Variants in LRMDA observed in about 807,000 individuals in gnomAD.
The protein encoded by LRMDA is leucine-rich melanocyte differentiation-associated protein.
In LRMDA, 18 loss-of-function variants were observed where a neutral mutation model predicts 29.8. The ratio of observed to expected loss-of-function variants is 0.60; its 90% confidence interval spans 0.42 to 0.90. The LOEUF (loss-of-function observed/expected upper bound fraction) is 0.90. Ranked by LOEUF, LRMDA falls within the 40% of genes least tolerant of loss-of-function variation. LRMDA has a pLI of 0.00. For missense variants in LRMDA, 273 were observed against 273.9 expected (o/e 1.00, Z 0.02); for synonymous variants, 125 against 109.4 (o/e 1.14, Z -0.89).
chr10:75,814,302 A>G (rs1442929592), intron 2 of LRMDA, among the ~76,000 whole-genome samples: 1 of 152,194 alleles, frequency 6.6e-6, no homozygotes, highest in African/African-American at 2.4e-5. Flanking sequence ...CATTTTTGTC[A>G]TTTTGGAGGA....
chr10:76,259,814 T>A (rs1308112473), intron 5 of LRMDA, among the ~76,000 whole-genome samples: 1 of 152,136 alleles, frequency 6.6e-6, no homozygotes, highest in African/African-American at 2.4e-5. Flanking sequence ...ATTGATCCCT[T>A]TGTTATCATA....
intron 2 of LRMDA, among the ~76,000 whole-genome samples, chr10:75,772,214 T>A (rs571469629): frequency 1.3e-5 from 2 of 152,372 alleles, no homozygotes; most frequent in Non-Finnish European, 2.9e-5. Flanking sequence ...TTTGCTTTTA[T>A]TGTGCAATCA....
intron 5 of LRMDA, among the ~76,000 whole-genome samples, chr10:76,077,554 A>G (rs1438983720): frequency 6.6e-6 from 1 of 152,130 alleles, no homozygotes; most frequent in African/African-American, 2.4e-5. Flanking sequence ...TGGTCATGCT[A>G]GAAGGAAGGA....
chr10:76,431,451 A>G (rs981609081), intron 6 of LRMDA, among the ~76,000 whole-genome samples: 4 of 152,182 alleles, frequency 2.6e-5, no homozygotes, highest in African/African-American at 4.8e-5. Context: ...CATAAGTTCA[A>G]ATCACTTCTC....
intron 6 of LRMDA, among the ~76,000 whole-genome samples, chr10:76,345,060 C>CTT (rs60233969): frequency 0.028 from 2,193 of 77,634 alleles, 40 homozygotes; most frequent in African/African-American, 0.048. Flanking sequence ...AACACAAAAC[C>CTT]TTTTTTTTTT....
chr10:76,408,018 A>T (rs1841920417), intron 6 of LRMDA, among the ~76,000 whole-genome samples: 1 of 152,192 alleles, frequency 6.6e-6, no homozygotes. Context: ...AATCATAGCC[A>T]AGAACGCAAG....
intron 5 of LRMDA, among the ~76,000 whole-genome samples, chr10:76,288,662 T>C (rs926426211): frequency 2.6e-5 from 4 of 152,316 alleles, no homozygotes; most frequent in African/African-American, 9.6e-5. Flanking sequence ...ATAAATTTTA[T>C]TTAACAGTAG....
intron 2 of LRMDA, among the ~76,000 whole-genome samples, chr10:75,607,496 G>A (rs550012586): frequency 2.0e-5 from 3 of 152,250 alleles, no homozygotes; most frequent in East Asian, 1.9e-4. Context: ...ATTGATACAG[G>A]TGATAATTTT....
intron 6 of LRMDA, among the ~76,000 whole-genome samples, chr10:76,519,325 G>C (rs958969727): frequency 2.0e-5 from 3 of 152,114 alleles, no homozygotes; most frequent in African/African-American, 7.2e-5. Context: ...ATCTGTCAAG[G>C]AACAAGGAGT....
chr10:76,480,420 T>A (rs1292019711), intron 6 of LRMDA, among the ~76,000 whole-genome samples: 1 of 151,912 alleles, frequency 6.6e-6, no homozygotes, highest in Non-Finnish European at 1.5e-5. Flanking sequence ...ATTTCTGAAG[T>A]CATAGAATAG....
At chr10:76,152,756 A>G (rs1335060620) in intron 5 of LRMDA, among the ~76,000 whole-genome samples, 1 of 151,620 alleles carries the variant, frequency 6.6e-6, no homozygotes, top group Non-Finnish European at 1.5e-5. Flanking sequence ...CATTTGTACT[A>G]CTCTAAAGAC....
chr10:75,802,950 G>C (rs993806259), intron 2 of LRMDA, among the ~76,000 whole-genome samples: 3 of 104,024 alleles, frequency 2.9e-5, no homozygotes, highest in African/African-American at 9.7e-5. Flanking sequence ...GTGTGTGTGT[G>C]TGTGTATATA....
chr10:76,112,978 C>T (rs1281201334), intron 5 of LRMDA, among the ~76,000 whole-genome samples: 1 of 152,228 alleles, frequency 6.6e-6, no homozygotes, highest in Non-Finnish European at 1.5e-5. Flanking sequence ...CATATTAAGT[C>T]TTCACAGAAC....
At chr10:76,329,095 T>C (rs867521487) in intron 6 of LRMDA, among the ~76,000 whole-genome samples, 10 of 152,326 alleles carry the variant, frequency 6.6e-5, no homozygotes, top group Middle Eastern at 3.4e-3. Context: ...ATTGCTGTTA[T>C]CCATGCGTTG....
intron 5 of LRMDA, among the ~76,000 whole-genome samples, chr10:76,085,737 G>C (rs1849123614): frequency 6.6e-6 from 1 of 152,158 alleles, no homozygotes; most frequent in South Asian, 2.1e-4. Context: ...GGAAAGTCCT[G>C]GTCTGCAGGG....
chr10:76,167,610 A>G (rs1027678039), intron 5 of LRMDA, among the ~76,000 whole-genome samples: 3 of 152,072 alleles, frequency 2.0e-5, no homozygotes, highest in Non-Finnish European at 4.4e-5. Context: ...CCATTGGTCT[A>G]TGTATCTGTT....
chr10:76,192,758 T>C (rs751963621), intron 5 of LRMDA, among the ~76,000 whole-genome samples: 13 of 152,316 alleles, frequency 8.5e-5, no homozygotes, highest in Admixed American at 5.2e-4. Context: ...TAGGACTAAC[T>C]TGGAACTCTT....
At chr10:76,376,698 C>A (rs1394749062) in intron 6 of LRMDA, among the ~76,000 whole-genome samples, 1 of 151,970 alleles carries the variant, frequency 6.6e-6, no homozygotes, top group African/African-American at 2.4e-5. Context: ...TAAGCATTCA[C>A]ATTCCTGTTT....
chr10:76,378,462 C>G (rs1281813502), intron 6 of LRMDA, among the ~76,000 whole-genome samples: 1 of 152,084 alleles, frequency 6.6e-6, no homozygotes, highest in Non-Finnish European at 1.5e-5. Context: ...AGTCCCAGTT[C>G]TTAGGGGGAA....
Sources: allele counts gnomAD v4.1 joint callset (sites outside exome capture counted in the v4.1 genomes callset), GRCh38; gene constraint gnomAD v4.1.1; transcripts MANE v1.5; gene names NCBI Gene and HGNC (gene_info 2026-07-23, HGNC 2026-07-21).